CACNA1S: variants seen among roughly 807,000 people sequenced by gnomAD.
CACNA1S encodes voltage-dependent L-type calcium channel subunit alpha-1S.
In CACNA1S, 126 loss-of-function variants were observed where a neutral mutation model predicts 207.4. That is an observed-to-expected ratio of 0.61 (90% confidence interval 0.53 to 0.70). CACNA1S has a LOEUF of 0.70. Ranked by LOEUF, CACNA1S falls within the 30% of genes least tolerant of loss-of-function variation. The pLI is 0.00. For synonymous variants in CACNA1S, 960 were observed against 932.7 expected, an observed-to-expected ratio of 1.03 and a Z score of -0.53; for missense variants, 2,349 against 2,422.8, an observed-to-expected ratio of 0.97 and a Z score of 0.64.
chr1:201,108,260 C>A (rs567963684), intron 2 of CACNA1S, among the ~76,000 whole-genome samples: 13 of 152,202 alleles, frequency 8.5e-5, no homozygotes, highest in Admixed American at 3.3e-4. Context: ...CATGCACCAC[C>A]AGGCCCCGCT....
At position 201,081,716 on chromosome 1, in the gene CACNA1S, T is replaced by C. The variant is rs541303807; in HGVS notation, c.1393+1446A>G. On this transcript the variant is annotated intron_variant, in intron 10 of 43. Coordinates refer to ENST00000362061, the MANE Select transcript of CACNA1S (RefSeq NM_000069.3). ...GCTGGAGCTGGGGCCTGGTGGGGGG[T>C]GTTTGGATTGTGGGGACAGATTCCT... is the stretch of plus-strand genomic sequence containing the variant. 2.4e-4 allele frequency among the ~76,000 whole-genome samples: 37 copies of C among 151,422 alleles called. 1 individual carries two copies. The East Asian group carries it at 7.3e-3, about 30-fold the overall frequency.
intron 18 of CACNA1S, 74 bp downstream of exon 18, chr1:201,069,398 G>C (rs2102130990): frequency 6.3e-7 from 1 of 1,587,406 alleles, no homozygotes; most frequent in East Asian, 2.3e-5. Flanking sequence ...AGAGGATACA[G>C]CTGAACCCTG....
chr1:201,056,070 GAC>G (rs58170287), intron 28 of CACNA1S, among the ~76,000 whole-genome samples: 1,679 of 94,826 alleles, frequency 0.018, 26 homozygotes, highest in African/African-American at 0.039. Context: ...CAGACAGACA[GAC>G]ACACACACAC....
Position 201,083,275 on chromosome 1 carries a change from T to C in CACNA1S, c.1280A>G (p.Asp427Gly), listed in dbSNP as rs1558075620. ...ATAGAAGACCTTGGACTTCACGATG[T>C]CATGGCACTTCCAGCGAAAGATGCG... Reference protein sequence around the residue: ...WNRIFRWKCHDIVKSKVFYWL... With the variant: ...WNRIFRWKCHGIVKSKVFYWL... Residue 427 changes from aspartate to glycine, a missense_variant, in exon 10 of 44, where the codon GAC (aspartate) becomes GGC (glycine). Asp to Gly is a moderately conservative substitution (Grantham distance 94). Transcript: ENST00000362061. 3 of 1,614,116 alleles carry C rather than the reference T, an allele frequency of 1.9e-6. No homozygotes were observed. In the African/African-American group the frequency reaches 4.0e-5, roughly 22 times the overall value.
At position 201,066,814 on chromosome 1, in the gene CACNA1S, G is replaced by T; in HGVS notation, c.2657+73C>A. 1 of 1,119,460 alleles carries T rather than the reference G, an allele frequency of 8.9e-7. No homozygotes were observed. Among genetic ancestry groups the T allele is most frequent in the Non-Finnish European group, 1.3e-6 (1 of 748,910 alleles). 69.3% of individuals were successfully genotyped at this position (1,119,460 alleles called of 1,614,324 possible). On this transcript the variant is annotated intron_variant, in intron 20 of 43. Coordinates refer to ENST00000362061, the MANE Select transcript of CACNA1S (RefSeq NM_000069.3). The surrounding 1 kb of genome is among the most constrained non-coding windows in gnomAD (Gnocchi z 4.3). ...GGCAGGGGCCCACCAACATGGGTGGGACTCCCACTACAAAGCCCTGGCACA... is the reference window on the plus strand; with the variant it reads ...GGCAGGGGCCCACCAACATGGGTGGTACTCCCACTACAAAGCCCTGGCACA...
In CACNA1S at chr1:201,080,470, G is replaced by A. The variant is rs147184580; in HGVS notation, c.1394-2366C>T. On this transcript the variant is annotated intron_variant, in intron 10 of 43. Coordinates refer to ENST00000362061, the MANE Select transcript of CACNA1S (RefSeq NM_000069.3). ...CGATTGGCACATTCACGGTGCTCTC[G>A]AGAAGATTGGTTGAGATGAATGAAT... Among the ~76,000 whole-genome samples the A allele has an allele frequency of 1.7e-3, 262 of 152,244 alleles. 2 individuals carry two copies. The highest frequency in any genetic ancestry group is 6.1e-3 in the African/African-American group (254 of 41,544).
At chr1:201,060,250 T>C (rs1044355471) in intron 26 of CACNA1S, among the ~76,000 whole-genome samples, 1 of 152,170 alleles carries the variant, frequency 6.6e-6, no homozygotes, top group East Asian at 1.9e-4. Flanking sequence ...CTATAAAGGG[T>C]GCTCAACTCC....
chr1:201,106,705 C>A (rs1662906633), intron 2 of CACNA1S, among the ~76,000 whole-genome samples: 1 of 152,138 alleles, frequency 6.6e-6, no homozygotes, highest in African/African-American at 2.4e-5. Context: ...CCCCCTCCAC[C>A]CTCACCATCC....
In CACNA1S at chr1:201,044,398, C is replaced by T; in HGVS notation, c.4727G>A (p.Gly1576Glu). The change falls in exon 39 of 44, where the codon GGA becomes GAA. Residue 1576 changes from glycine (G) to glutamate (E), a missense_variant. By Grantham distance (98) the Gly-to-Glu change is moderately conservative. Transcript: ENST00000362061. ...AAPEICRTVS[G>E]DLAAEEELER... The stretch of plus-strand genomic sequence containing the variant: ...CAGCTCCTCCTCAGCAGCCAGGTCT[C>T]CTGAGACCGTGCGACAGATCTCGGG... 1 of 1,613,764 alleles carries T rather than the reference C, an allele frequency of 6.2e-7. No homozygotes were observed. Among genetic ancestry groups the T allele is most frequent in the South Asian group, 1.1e-5 (1 of 91,058 alleles).
At chr1:201,083,540 G>T (rs1254025457) in intron 9 of CACNA1S, among the ~76,000 whole-genome samples, 1 of 152,184 alleles carries the variant, frequency 6.6e-6, no homozygotes, top group Non-Finnish European at 1.5e-5. Flanking sequence ...CGAGGCAATG[G>T]AATGAGAGGA....
At position 201,060,751 on chromosome 1, in the gene CACNA1S, G is replaced by C; in HGVS notation, c.3321C>G (p.Tyr1107Ter). 2 of 1,614,140 alleles carry C rather than the reference G, an allele frequency of 1.2e-6. No individual in the cohort carries two copies. The highest frequency in any genetic ancestry group is 1.3e-5 in the African/African-American group (1 of 75,042). ...TGACAATGTACCACACCTGGTACTG[G>C]TATGGGTTTTTGGGAATGTAGCACC... ...PLRCYIPKNP[Y>*]QYQVWYIVTS... The change falls in exon 26 of 44, where the codon TAC (tyrosine) becomes TAG (stop). Residue 1107 changes from tyrosine to a stop codon, truncating the protein, a stop_gained. Coordinates refer to ENST00000362061, the MANE Select transcript of CACNA1S (RefSeq NM_000069.3). LOFTEE classifies it high-confidence loss of function.
intron 23 of CACNA1S, 84 bp downstream of exon 23, chr1:201,062,378 C>G: frequency 1.5e-6 from 2 of 1,375,328 alleles, no homozygotes; most frequent in Non-Finnish European, 2.1e-6. Context: ...GACCGTAACC[C>G]TCCCACAGTG....
chr1:201,058,410 C>T lies in CACNA1S; in HGVS notation c.3607G>A (p.Asp1203Asn), dbSNP rs367956917. ...SIIDVILSEI[D>N]TFLASSGGLY... ...GGCTCTGCCTGCCTGATACTCACGT[C>T]GATCTCACTGAGGATGACATCAATG... Residue 1203 changes from aspartate to asparagine, a missense_variant and splice_region_variant, in exon 28 of 44, where the codon GAC becomes AAC. Transcript: ENST00000362061. 56 of 1,613,262 alleles carry T rather than the reference C, an allele frequency of 3.5e-5. No individual in the cohort carries two copies. Among genetic ancestry groups the T allele is most frequent in the Non-Finnish European group, 4.6e-5 (54 of 1,179,328 alleles).
intron 10 of CACNA1S, among the ~76,000 whole-genome samples, chr1:201,080,512 C>T (rs1224835065): frequency 6.6e-6 from 1 of 152,118 alleles, no homozygotes; most frequent in Non-Finnish European, 1.5e-5. Context: ...ATTCATCTGA[C>T]CTGTAGCTAG....
At position 201,069,543 on chromosome 1, in the gene CACNA1S, G is replaced by T. The variant is rs773958053; in HGVS notation, c.2419C>A (p.Leu807Ile). The T allele has an allele frequency of 4.4e-6, 7 of 1,581,678 alleles. No individual in the cohort carries two copies. In the African/African-American group the frequency reaches 6.7e-5, roughly 15 times the overall value. Residue 807 changes from leucine (L) to isoleucine (I), a missense_variant, in exon 18 of 44, where the codon CTC becomes ATC. Coordinates refer to ENST00000362061, the MANE Select transcript of CACNA1S (RefSeq NM_000069.3). ...NATWFTNFIL[L>I]FILLSSAALA... ...GCAGCGCTGCTGAGCAGGATGAAGAGCAGGATGAAGTTGGTAAACCAGGTG... is the reference window on the plus strand; with the variant it reads ...GCAGCGCTGCTGAGCAGGATGAAGATCAGGATGAAGTTGGTAAACCAGGTG...
At position 201,093,799 on chromosome 1, in the gene CACNA1S, T is replaced by C; in HGVS notation, c.398+83A>G. ...CACAATGCTGGAGTCCCACCCCACC[T>C]CTAAGATGCTGGTGGTGGTGGCAGT... On this transcript the variant is annotated intron_variant, in intron 3 of 43. Transcript: ENST00000362061. The C allele has an allele frequency of 7.2e-6, 11 of 1,529,736 alleles. 1 individual carries two copies. In the South Asian group the frequency reaches 1.2e-4, roughly 17 times the overall value. 94.8% of individuals were successfully genotyped at this position (1,529,736 alleles called of 1,614,324 possible).
rs535015898 is a variant in CACNA1S at position 201,081,598 on chromosome 1, G to A, written c.1393+1564C>T. On this transcript the variant is annotated intron_variant, in intron 10 of 43. Coordinates refer to ENST00000362061, the MANE Select transcript of CACNA1S (RefSeq NM_000069.3). ...TCTCACTGGCTTTCCATTGCCTAAA[G>A]TGTAAAGTCCAACACTTTATTCACA... 7.9e-5 allele frequency among the ~76,000 whole-genome samples: 12 copies of A among 152,288 alleles called. No individual in the cohort carries two copies. In the South Asian group the frequency reaches 2.5e-3, roughly 32 times the overall value.
chr1:201,044,812 C>A (rs1009424815), intron 38 of CACNA1S, among the ~76,000 whole-genome samples: 7 of 152,172 alleles, frequency 4.6e-5, no homozygotes. Flanking sequence ...CTGGCTAGAA[C>A]CGCTTCGTAT....
At chr1:201,103,518 C>T (rs970834140) in intron 2 of CACNA1S, among the ~76,000 whole-genome samples, 4 of 147,938 alleles carry the variant, frequency 2.7e-5, no homozygotes, top group African/African-American at 7.4e-5. Context: ...TTGGGATGGG[C>T]GGGGGAGAAT....
Sources: gnomAD v4.1 joint callset for allele counts (sites outside exome capture counted in the v4.1 genomes callset) on GRCh38, gnomAD v4.1.1 for gene constraint, Gnocchi (gnomAD v3.1) non-coding constraint, MANE v1.5 for transcripts, NCBI Gene and HGNC (gene_info 2026-07-23, HGNC 2026-07-21) for gene names.